Variants in TIAM1 observed in about 807,000 individuals in gnomAD.
TIAM1 encodes the protein TIAM Rac1 associated GEF 1.
TIAM1 carries 65 observed loss-of-function variants against 163.5 expected under a neutral mutation model. The observed-to-expected ratio is 0.40, with a 90% CI of 0.33 to 0.49. The LOEUF (loss-of-function observed/expected upper bound fraction) is 0.49. Ranked by LOEUF, TIAM1 falls within the 20% of genes least tolerant of loss-of-function variation. TIAM1 has a pLI of 0.77. For missense variants in TIAM1, 1,789 were observed against 2,044.7 expected, an observed-to-expected ratio of 0.87 and a Z score of 2.41; for synonymous variants, 833 against 810.1, an observed-to-expected ratio of 1.03 and a Z score of -0.48.
rs777228343 is a variant in TIAM1, at chr21:31,120,464, C to T, written c.4680G>A (p.Ser1560=). The T allele has an allele frequency of 8.7e-6, 14 of 1,614,088 alleles. No individual in the cohort carries two copies. The highest frequency in any genetic ancestry group is 1.6e-4 in the Middle Eastern group (1 of 6,084). ...CGCTCTCCAGGCCTCCATTGATCCC[C>T]GACAGGGCAGCTTGCTTCTTGAGCT... ...MAQLKKQAAL[S]GINGGLESAS... The change falls in exon 28 of 28, where the codon TCG becomes TCA. Residue 1560 remains serine, a synonymous_variant. Transcript: ENST00000541036. The surrounding 1 kb of genome is among the most constrained non-coding windows in gnomAD (Gnocchi z 4.2).
rs2075950555 is a variant in TIAM1, at chr21:31,339,432, C to G, written c.-368-10G>C. ...TCCACAGTGATTCTACCTATAAGAG[C>G]AACATAAGAAAATAATGGGTTTTGT... On this transcript the variant is annotated splice_polypyrimidine_tract_variant and intron_variant, in intron 1 of 27. Transcript: ENST00000541036. 1 of 398,408 alleles carries G rather than the reference C, an allele frequency of 2.5e-6. No homozygotes were observed. The allele number at this position is 398,408 out of a possible 1,614,324, so 24.7% of individuals were successfully genotyped here.
chr21:31,369,363 T>A (rs1014566647), intron 2 of TIAM1, among the ~76,000 whole-genome samples: 3 of 151,866 alleles, frequency 2.0e-5, no homozygotes, highest in African/African-American at 4.8e-5. Context: ...AATCCCAACC[T>A]CCAAGGCAAT....
intron 4 of TIAM1, 132 bp from the exon 5 acceptor site, chr21:31,252,321 T>C (rs2071858876): frequency 1.1e-6 from 1 of 944,050 alleles, no homozygotes; most frequent in Non-Finnish European, 1.6e-6. Context: ...CAGCCACTCC[T>C]GACGGCTCCT....
At chr21:31,529,277 A>AC (rs2047899714) in intron 1 of TIAM1, among the ~76,000 whole-genome samples, 1 of 152,118 alleles carries the variant, frequency 6.6e-6, no homozygotes, top group Non-Finnish European at 1.5e-5. Context: ...AGGTGGAAAA[A>AC]AAAAGTCACA....
intron 15 of TIAM1, among the ~76,000 whole-genome samples, chr21:31,180,744 T>C (rs1202872193): frequency 1.3e-5 from 2 of 152,246 alleles, no homozygotes; most frequent in East Asian, 1.9e-4. Context: ...TGTGGTCACA[T>C]GAAATAACAG....
Position 31,521,745 on chromosome 21 carries a change from AACACACACACAC to A in TIAM1, c.-422+37170_-422+37181del, listed in dbSNP as rs35006738. Among the ~76,000 whole-genome samples the A allele has an allele frequency of 1.0e-4, 15 of 146,860 alleles. No individual in the cohort carries two copies. The Admixed American group carries it at 1.0e-3, about 10-fold the overall frequency. On this transcript the variant is annotated intron_variant, in intron 1 of 28. Transcript: ENST00000286827. The stretch of plus-strand genomic sequence containing the variant: ...AGAGCAAGACCCTGCCTCACACACA[AACACACACACAC>A]ACACACACACACACACACACAAAGT...
At position 31,167,660 on chromosome 21, in the gene TIAM1, G is replaced by A. The variant is rs191763810; in HGVS notation, c.2888-2595C>T. On this transcript the variant is annotated intron_variant, in intron 15 of 27. Transcript: ENST00000541036. ...GTGAGAACCTGTTGGTGTTAGCAGGGGGACAATTCTTTTGGGACAGAATTG... is the reference window on the plus strand; with the variant it reads ...GTGAGAACCTGTTGGTGTTAGCAGGAGGACAATTCTTTTGGGACAGAATTG... Among the ~76,000 whole-genome samples, 86 of 152,172 alleles carry A rather than the reference G, an allele frequency of 5.7e-4. 1 individual carries two copies. Among genetic ancestry groups the A allele is most frequent in the South Asian group, 1.9e-3 (9 of 4,810 alleles).
intron 2 of TIAM1, among the ~76,000 whole-genome samples, chr21:31,424,643 G>T (rs1282662258): frequency 6.6e-6 from 1 of 152,172 alleles, no homozygotes; most frequent in Non-Finnish European, 1.5e-5. Context: ...GGGGAGCAGA[G>T]GGAGAATGTG....
At chr21:31,390,032 T>TA (rs1157267630) in intron 2 of TIAM1, among the ~76,000 whole-genome samples, 1 of 152,190 alleles carries the variant, frequency 6.6e-6, no homozygotes, top group East Asian at 1.9e-4. Context: ...GATATATTTT[T>TA]AAAAAATCTA....
At chr21:31,538,380 A>G (rs538752887) in intron 1 of TIAM1, among the ~76,000 whole-genome samples, 1 of 152,178 alleles carries the variant, frequency 6.6e-6, no homozygotes, top group African/African-American at 2.4e-5. Flanking sequence ...CTGTCTCTAT[A>G]AAAAATTTTT....
chr21:31,481,484 A>G (rs898769069), intron 1 of TIAM1, among the ~76,000 whole-genome samples: 1 of 152,178 alleles, frequency 6.6e-6, no homozygotes, highest in Non-Finnish European at 1.5e-5. Context: ...TTAAGGGCTC[A>G]GTCCCACAAG....
intron 1 of TIAM1, among the ~76,000 whole-genome samples, chr21:31,539,353 C>A (rs2048245600): frequency 6.6e-6 from 1 of 150,656 alleles, no homozygotes; most frequent in Admixed American, 6.6e-5. Flanking sequence ...GCAAGCTCCA[C>A]CTCCCGGGTT....
At chr21:31,269,215 C>A (rs1490210984) in intron 3 of TIAM1, among the ~76,000 whole-genome samples, 1 of 152,224 alleles carries the variant, frequency 6.6e-6, no homozygotes, top group Non-Finnish European at 1.5e-5. Flanking sequence ...ATGGCCCCAA[C>A]CTTCAAGAAT....
At chr21:31,387,750 G>A (rs1037012284) in intron 2 of TIAM1, among the ~76,000 whole-genome samples, 9 of 152,110 alleles carry the variant, frequency 5.9e-5, no homozygotes, top group Admixed American at 2.0e-4. Context: ...ATAGTGGCCC[G>A]TGGTGAGCGT....
rs577967928 is a variant in TIAM1 at position 31,118,661 on chromosome 21, C to T, written c.*1707G>A. On this transcript the variant is annotated 3_prime_UTR_variant, in exon 28 of 28. Coordinates refer to ENST00000541036, the MANE Select transcript of TIAM1 (RefSeq NM_001353694.2). ...TGCGACGATTAGAAGCCTCTGCTTC[C>T]GTTTTCCATCTGGACGCGATCGAAC... 3.6e-5 allele frequency: 17 copies of T among 471,090 alleles called. No individual in the cohort carries two copies. The highest frequency in any genetic ancestry group is 1.9e-4 in the South Asian group (12 of 64,504). The allele number at this position is 471,090 out of a possible 1,614,324, so 29.2% of individuals were successfully genotyped here.
intron 7 of TIAM1, among the ~76,000 whole-genome samples, chr21:31,224,455 A>C (rs1275751758): frequency 2.0e-5 from 3 of 152,250 alleles, no homozygotes; most frequent in Admixed American, 2.0e-4. Flanking sequence ...CCTCCAAAAC[A>C]TGAAGCTCAG....
intron 2 of TIAM1, among the ~76,000 whole-genome samples, chr21:31,423,001 T>C (rs1236275943): frequency 7.5e-5 from 1 of 13,320 alleles, no homozygotes; most frequent in African/African-American, 3.3e-4. Context: ...ACTGTATCAC[T>C]GTATCACTGT....
At chr21:31,538,209 C>T (rs546637000) in intron 1 of TIAM1, among the ~76,000 whole-genome samples, 22 of 152,032 alleles carry the variant, frequency 1.4e-4, no homozygotes, top group Non-Finnish European at 2.9e-4. Flanking sequence ...GTACACTTTT[C>T]TGTATGTATG....
chr21:31,540,123 C>T (rs1161329100), intron 1 of TIAM1, among the ~76,000 whole-genome samples: 4 of 152,112 alleles, frequency 2.6e-5, no homozygotes, highest in Non-Finnish European at 4.4e-5. Context: ...CAGTGGCTCA[C>T]GCCTATAATC....
Sources: allele counts gnomAD v4.1 joint callset (sites outside exome capture counted in the v4.1 genomes callset), GRCh38; gene constraint gnomAD v4.1.1; non-coding constraint Gnocchi (gnomAD v3.1); transcripts MANE v1.5; gene names NCBI Gene and HGNC (gene_info 2026-07-23, HGNC 2026-07-21).